MYPOP: variants seen among roughly 807,000 people sequenced by gnomAD.
MYPOP encodes the protein myb-related transcription factor, partner of profilin.
A neutral mutation model predicts 25.7 loss-of-function variants in MYPOP; 21 were observed. The ratio of observed to expected loss-of-function variants is 0.82; its 90% CI spans 0.58 to 1.18. The LOEUF (loss-of-function observed/expected upper bound fraction) is 1.18. Among genes scored for constraint, MYPOP ranks in the 50% most tolerant of loss-of-function variants. The pLI, the probability that MYPOP is intolerant of heterozygous loss-of-function variation, is 0.00. For missense variants in MYPOP, 566 were observed against 588.3 expected (o/e 0.96, Z 0.39); for synonymous variants, 280 against 247.9 (o/e 1.13, Z -1.22).
intron 2 of MYPOP, among the ~76,000 whole-genome samples, chr19:45,891,981 G>A (rs944356047): frequency 6.6e-6 from 1 of 151,848 alleles, no homozygotes; most frequent in Non-Finnish European, 1.5e-5. Flanking sequence ...GTGCAGTGGC[G>A]TGATCTCGGC....
chr19:45,896,302 C>T (rs1287646778), intron 2 of MYPOP, among the ~76,000 whole-genome samples: 1 of 148,762 alleles, frequency 6.7e-6, no homozygotes, highest in Non-Finnish European at 1.5e-5. Flanking sequence ...AACAAACAAG[C>T]AAGCAAACAA....
In MYPOP at chr19:45,891,071, G is replaced by C. The variant is rs765378008; in HGVS notation, c.752C>G (p.Pro251Arg). 2.9e-4 allele frequency: 425 copies of C among 1,490,982 alleles called. No individual in the cohort carries two copies. The highest frequency in any genetic ancestry group is 3.7e-4 in the Non-Finnish European group (416 of 1,117,126). The allele number at this position is 1,490,982 out of a possible 1,614,324, so 92.4% of individuals were successfully genotyped here. A position where few individuals can be genotyped will look rare whatever the true frequency, so the allele number is the denominator to read the frequency against. ...PSPPPPPRPP[P>R]TLSASDPSLD... ...GGAGGGGTCTGAGGCCGAGAGCGTG[G>C]GTGGAGGCCGAGGAGGGGGTGGGGG... is the stretch of plus-strand genomic sequence containing the variant. The change falls in exon 3 of 3, where the codon CCC becomes CGC. Residue 251 changes from proline (P) to arginine (R), a missense_variant. Transcript: ENST00000322217.
chr19:45,897,049 C>T (rs1372294377), intron 2 of MYPOP, among the ~76,000 whole-genome samples: 1 of 151,454 alleles, frequency 6.6e-6, no homozygotes, highest in South Asian at 2.1e-4. Flanking sequence ...AGCCACTGCT[C>T]CTGGCCAGAG....
In MYPOP at chr19:45,901,944, G is replaced by A. The variant is rs1048998130; in HGVS notation, c.-52-119C>T. The A allele has an allele frequency of 6.6e-6, 3 of 452,498 alleles. No homozygotes were observed. Among genetic ancestry groups the A allele is most frequent in the Admixed American group, 9.3e-5 (2 of 21,500 alleles). 28.0% of individuals were successfully genotyped at this position (452,498 alleles called of 1,614,324 possible). On this transcript the variant is annotated intron_variant, in intron 1 of 2. Coordinates refer to ENST00000322217, the MANE Select transcript of MYPOP (RefSeq NM_001012643.4). The surrounding 1 kb of genome is among the most constrained non-coding windows in gnomAD (Gnocchi z 5.7). ...GGGGGCAGGAGTGGGGGCGGGGGGCGGGCGGGGGCGACGGGCACCCGGGTA... is the reference window on the plus strand; with the variant it reads ...GGGGGCAGGAGTGGGGGCGGGGGGCAGGCGGGGGCGACGGGCACCCGGGTA...
chr19:45,901,226 A>T lies in MYPOP; in HGVS notation c.499+49T>A. On this transcript the variant is annotated intron_variant, in intron 2 of 2. Coordinates refer to ENST00000322217, the MANE Select transcript of MYPOP (RefSeq NM_001012643.4). The surrounding 1 kb of genome is among the most constrained non-coding windows in gnomAD (Gnocchi z 5.7). ...GCAGCAAGGCTTTGATGAGACATGT[A>T]AAAGGCTTGCAACAGCGCAGGCACA... 1 of 1,395,242 alleles carries T rather than the reference A, an allele frequency of 7.2e-7. No homozygotes were observed. The highest frequency in any genetic ancestry group is 9.3e-7 in the Non-Finnish European group (1 of 1,071,586). The allele number at this position is 1,395,242 out of a possible 1,614,324, so 86.4% of individuals were successfully genotyped here.
intron 2 of MYPOP, among the ~76,000 whole-genome samples, chr19:45,895,151 A>G (rs967153224): frequency 2.0e-5 from 3 of 152,042 alleles, no homozygotes; most frequent in Non-Finnish European, 4.4e-5. Flanking sequence ...ATCTTCCCCC[A>G]TTGCCTTCCT....
intron 2 of MYPOP, among the ~76,000 whole-genome samples, chr19:45,899,737 G>A (rs923188638): frequency 6.6e-6 from 1 of 152,168 alleles, no homozygotes; most frequent in African/African-American, 2.4e-5. Flanking sequence ...CTACTCAGGA[G>A]GCTGAGGCAG....
At position 45,901,664 on chromosome 19, in the gene MYPOP, G is replaced by A. The variant is rs753798530; in HGVS notation, c.110C>T (p.Pro37Leu). Residue 37 changes from proline (P) to leucine (L), a missense_variant, in exon 2 of 3, where the codon CCG becomes CTG. Coordinates refer to ENST00000322217, the MANE Select transcript of MYPOP (RefSeq NM_001012643.4). The surrounding 1 kb of genome is among the most constrained non-coding windows in gnomAD (Gnocchi z 5.7). ...ACGGCTCTGCGCGCCGTAGAGCTGC[G>A]GGTAGTGGGCGCGCACCTCGCGGAT... ...ILIREVRAHY[P>L]QLYGAQSRRV... 3 of 1,609,424 alleles carry A rather than the reference G, an allele frequency of 1.9e-6. No individual in the cohort carries two copies. Among genetic ancestry groups the A allele is most frequent in the Admixed American group, 3.3e-5 (2 of 59,820 alleles).
chr19:45,891,364 G>A (rs1447223112), intron 2 of MYPOP, 41 bp from the exon 3 acceptor site: 20 of 1,424,046 alleles, frequency 1.4e-5, no homozygotes, highest in East Asian at 2.6e-5. Flanking sequence ...AGCGACCCTC[G>A]ATGCTGCCTT....
Position 45,890,677 on chromosome 19 carries a change from C to T in MYPOP, c.1146G>A (p.Lys382=). Reference sequence around the variant, plus strand: ...TCCGTGTAGGGAAACCTTTTCTCCGCTTGTGTGGGGGGGAGTCGTGCGGAG... The same window carrying T: ...TCCGTGTAGGGAAACCTTTTCTCCGTTTGTGTGGGGGGGAGTCGTGCGGAG... ...PLPPHDSPPH[K]RRKGFPTRKR... The change falls in exon 3 of 3, where the codon AAG becomes AAA. Residue 382 remains lysine (K), a synonymous_variant. Transcript: ENST00000322217. 2 of 1,434,202 alleles carry T rather than the reference C, an allele frequency of 1.4e-6. No homozygotes were observed. Among genetic ancestry groups the T allele is most frequent in the East Asian group, 3.0e-5 (1 of 33,424 alleles). 88.8% of individuals were successfully genotyped at this position (1,434,202 alleles called of 1,614,324 possible). A position where few individuals can be genotyped will look rare whatever the true frequency, so the allele number is the denominator to read the frequency against.
chr19:45,895,409 G>A (rs549252561), intron 2 of MYPOP, among the ~76,000 whole-genome samples: 32 of 152,204 alleles, frequency 2.1e-4, no homozygotes, highest in African/African-American at 7.0e-4. Context: ...GCACCACCAC[G>A]CTTGGCTAAT....
chr19:45,891,692 C>T lies in MYPOP; in HGVS notation c.500-369G>A, dbSNP rs138764431. ...ACCTCAGGCGATCCGCCCGCCTTGG[C>T]CTCCCAAAGTGCTGGGATTCCAGGT... On this transcript the variant is annotated intron_variant, in intron 2 of 2. Coordinates refer to ENST00000322217, the MANE Select transcript of MYPOP (RefSeq NM_001012643.4). Among the ~76,000 whole-genome samples the T allele has an allele frequency of 1.5e-3, 226 of 152,250 alleles. 1 individual carries two copies. The highest frequency in any genetic ancestry group is 5.4e-3 in the African/African-American group (224 of 41,544).
Position 45,890,721 on chromosome 19 carries a change from G to GGC in MYPOP, c.1101_1102insGC (p.Pro368AlafsTer39). On this transcript the variant is annotated frameshift_variant, in exon 3 of 3. Coordinates refer to ENST00000322217, the MANE Select transcript of MYPOP (RefSeq NM_001012643.4). LOFTEE classifies it high-confidence loss of function. ...TGCGGAGGGAGCGGGGCTGGGGGGG[G>GGC]CCGGGGTGCCCCCTCCTCGCTCCTT... 1 of 1,418,518 alleles carries GGC rather than the reference G, an allele frequency of 7.0e-7. No individual in the cohort carries two copies. The highest frequency in any genetic ancestry group is 9.7e-7 in the Non-Finnish European group (1 of 1,026,522). The allele number at this position is 1,418,518 out of a possible 1,614,324, so 87.9% of individuals were successfully genotyped here.
chr19:45,891,470 T>A, intron 2 of MYPOP, 147 bp from the exon 3 acceptor site: 1 of 971,978 alleles, frequency 1.0e-6, no homozygotes, highest in Non-Finnish European at 1.4e-6. Flanking sequence ...ACAGTCTTGG[T>A]CTGTCACCCA....
At chr19:45,893,811 TG>T (rs1343684438) in intron 2 of MYPOP, among the ~76,000 whole-genome samples, 1 of 147,544 alleles carries the variant, frequency 6.8e-6, no homozygotes, top group Non-Finnish European at 1.5e-5. Context: ...TTTTTTGAGA[TG>T]GGAGTCTCAC....
chr19:45,898,988 T>A (rs997161280), intron 2 of MYPOP, among the ~76,000 whole-genome samples: 22 of 151,710 alleles, frequency 1.5e-4, no homozygotes, highest in Middle Eastern at 3.4e-3. Context: ...GCACTTTGGG[T>A]GGCCAAGGCG....
chr19:45,891,050 G>C lies in MYPOP; in HGVS notation c.773C>G (p.Pro258Arg). ...RPPPTLSASD[P>R]SLDFLRAQQE... Reference sequence around the variant, plus strand: ...CTGGGCCCGCAGGAAGTCCAGGGAGGGGTCTGAGGCCGAGAGCGTGGGTGG... The same window carrying C: ...CTGGGCCCGCAGGAAGTCCAGGGAGCGGTCTGAGGCCGAGAGCGTGGGTGG... Residue 258 changes from proline (P) to arginine (R), a missense_variant, in exon 3 of 3, where the codon CCC (proline) becomes CGC (arginine). Transcript: ENST00000322217. 6.6e-7 allele frequency: 1 copy of C among 1,517,222 alleles called. No homozygotes were observed. The highest frequency in any genetic ancestry group is 8.9e-7 in the Non-Finnish European group (1 of 1,129,722). The allele number at this position is 1,517,222 out of a possible 1,614,324, so 94.0% of individuals were successfully genotyped here.
chr19:45,897,242 T>C (rs1425916207), intron 2 of MYPOP, among the ~76,000 whole-genome samples: 1 of 151,546 alleles, frequency 6.6e-6, no homozygotes, highest in East Asian at 1.9e-4. Context: ...TTTGTATTTT[T>C]AGTAGAGACA....
intron 2 of MYPOP, among the ~76,000 whole-genome samples, chr19:45,899,036 G>C (rs938731670): frequency 6.6e-6 from 1 of 152,102 alleles, no homozygotes; most frequent in Non-Finnish European, 1.5e-5. Context: ...AGACCAGCCT[G>C]ACCAACATGG....
Sources: gnomAD v4.1 joint callset for allele counts (sites outside exome capture counted in the v4.1 genomes callset) on GRCh38, gnomAD v4.1.1 for gene constraint, Gnocchi (gnomAD v3.1) non-coding constraint, MANE v1.5 for transcripts, NCBI Gene and HGNC (gene_info 2026-07-23, HGNC 2026-07-21) for gene names.